The following DAB2IP variants were observed in gnomAD, a reference collection of about 807,000 sequenced individuals.
DAB2IP encodes disabled homolog 2-interacting protein.
DAB2IP carries 28 observed loss-of-function variants against 107.2 expected under a neutral mutation model. That is an observed-to-expected ratio of 0.26 (90% confidence interval 0.19 to 0.36). DAB2IP has a LOEUF of 0.36. Among genes scored for constraint, DAB2IP ranks in the 10% least tolerant of loss-of-function variants. DAB2IP has a pLI of 1.00. For missense variants in DAB2IP, 1,400 were observed against 1,644.7 expected (o/e 0.85, Z 2.57); for synonymous variants, 755 against 706.4 (o/e 1.07, Z -1.09).
intron 3 of DAB2IP, among the ~76,000 whole-genome samples, chr9:121,749,584 G>C (rs1795066014): frequency 6.6e-6 from 1 of 152,208 alleles, no homozygotes; most frequent in South Asian, 2.1e-4. Context: ...AGGCTGGTGG[G>C]CTGGAGACTG....
At position 121,599,797 on chromosome 9, in the gene DAB2IP, G is replaced by A. The variant is rs1830630806; in HGVS notation, c.40+32569G>A. On this transcript the variant is annotated intron_variant, in intron 1 of 16. Coordinates refer to the DAB2IP transcript ENST00000259371. This position sits in a 1 kb window ranked among gnomAD's most constrained non-coding sequence, Gnocchi z 6.9. ...AGCTGGGGGCCGCGGCTCAGGTGGA[G>A]GGGGGCTCGGTGGTTTGCCGGGATC... Among the ~76,000 whole-genome samples, 1 of 151,960 alleles carries A rather than the reference G, an allele frequency of 6.6e-6. No individual in the cohort carries two copies. Among genetic ancestry groups the A allele is most frequent in the Non-Finnish European group, 1.5e-5 (1 of 67,964 alleles).
upstream of DAB2IP, among the ~76,000 whole-genome samples, chr9:121,649,815 C>T (rs1015040522): frequency 6.6e-6 from 1 of 152,182 alleles, no homozygotes; most frequent in Non-Finnish European, 1.5e-5. Context: ...ACTGTGTGTG[C>T]GCTCTGTCCA....
chr9:121,740,634 C>T (rs1832271938), intron 3 of DAB2IP, among the ~76,000 whole-genome samples: 1 of 152,178 alleles, frequency 6.6e-6, no homozygotes, highest in South Asian at 2.1e-4. Flanking sequence ...TTTGCTGGCT[C>T]TGGGGAGGGT....
chr9:121,600,368 C>T (rs1830653003), intron 1 of DAB2IP, among the ~76,000 whole-genome samples: 1 of 152,112 alleles, frequency 6.6e-6, no homozygotes, highest in African/African-American at 2.4e-5. Flanking sequence ...CTGCTCTGGA[C>T]CCCACCTTCC....
chr9:121,725,641 G>T (rs1437981816), intron 3 of DAB2IP, among the ~76,000 whole-genome samples: 1 of 152,238 alleles, frequency 6.6e-6, no homozygotes, highest in Non-Finnish European at 1.5e-5. Context: ...ACAGAGAAGG[G>T]AGTGAGGACT....
At chr9:121,694,619 G>A (rs1829329166) in intron 2 of DAB2IP, among the ~76,000 whole-genome samples, 1 of 152,034 alleles carries the variant, frequency 6.6e-6, no homozygotes, top group Non-Finnish European at 1.5e-5. Context: ...GGGTAGTAGA[G>A]CTGCTTAAGA....
chr9:121,641,848 T>TTTC (rs1832299394), intron 1 of DAB2IP, among the ~76,000 whole-genome samples: 1 of 151,052 alleles, frequency 6.6e-6, no homozygotes, highest in Non-Finnish European at 1.5e-5. Context: ...CTTTCTTTCT[T>TTTC]TTTCTTTCTT....
chr9:121,582,256 C>T (rs1230176554), intron 1 of DAB2IP, among the ~76,000 whole-genome samples: 1 of 152,136 alleles, frequency 6.6e-6, no homozygotes, highest in Non-Finnish European at 1.5e-5. Context: ...CTTTTCCTGA[C>T]TCGTGGTCCT....
chr9:121,656,405 G>T (rs1832974859), intron 1 of DAB2IP, among the ~76,000 whole-genome samples: 1 of 152,314 alleles, frequency 6.6e-6, no homozygotes, highest in African/African-American at 2.4e-5. Context: ...AGGTGGGGGG[G>T]TTTTGTGGTT....
At chr9:121,676,550 C>T (rs1190743958) in intron 1 of DAB2IP, among the ~76,000 whole-genome samples, 1 of 152,150 alleles carries the variant, frequency 6.6e-6, no homozygotes, top group Admixed American at 6.5e-5. Flanking sequence ...TTCCCAGGCA[C>T]CCCCCACGCA....
intron 14 of DAB2IP, among the ~76,000 whole-genome samples, chr9:121,779,723 C>A (rs888941131): frequency 3.3e-5 from 5 of 152,226 alleles, no homozygotes; most frequent in African/African-American, 1.2e-4. Flanking sequence ...GCGATTGTTT[C>A]GTGTTCTCCT....
At chr9:121,780,655 G>C (rs1300725248) in intron 14 of DAB2IP, among the ~76,000 whole-genome samples, 1 of 152,162 alleles carries the variant, frequency 6.6e-6, no homozygotes, top group Non-Finnish European at 1.5e-5. Flanking sequence ...GGCAGACCCA[G>C]AGAGTGTGGG....
chr9:121,593,087 A>G (rs566564087), intron 1 of DAB2IP, among the ~76,000 whole-genome samples: 25 of 152,068 alleles, frequency 1.6e-4, no homozygotes, highest in Non-Finnish European at 2.8e-4. Flanking sequence ...AACGCGCCTG[A>G]ATTTTTTAAA....
Position 121,699,487 on chromosome 9 carries a change from C to G in DAB2IP, c.362+29C>G. On this transcript the variant is annotated intron_variant, in intron 3 of 15. Coordinates refer to ENST00000408936, the Ensembl canonical transcript of DAB2IP. This position sits in a 1 kb window ranked among gnomAD's most constrained non-coding sequence, Gnocchi z 6.2. ...AGCCCGCCGCCGCCGCCCGGTCCCC[C>G]GCGCCGCCGCCCCGGGCTGCGCCCC... 2 of 1,268,416 alleles carry G rather than the reference C, an allele frequency of 1.6e-6. No homozygotes were observed. The highest frequency in any genetic ancestry group is 4.3e-5 in the Admixed American group (1 of 23,104). The allele number at this position is 1,268,416 out of a possible 1,614,324, so 78.6% of individuals were successfully genotyped here.
chr9:121,668,187 C>T (rs927297851), intron 1 of DAB2IP, among the ~76,000 whole-genome samples: 2 of 135,494 alleles, frequency 1.5e-5, no homozygotes, highest in Non-Finnish European at 1.6e-5. Flanking sequence ...ACCATTTGAG[C>T]TGTTGTTGAT....
intron 1 of DAB2IP, among the ~76,000 whole-genome samples, chr9:121,661,105 G>A (rs548689592): frequency 1.2e-4 from 18 of 152,076 alleles, no homozygotes; most frequent in Non-Finnish European, 2.2e-4. Context: ...GGGGATGCCC[G>A]GCAGGCTGTG....
At position 121,599,553 on chromosome 9, in the gene DAB2IP, G is replaced by C. The variant is rs911225327; in HGVS notation, c.40+32325G>C. On this transcript the variant is annotated intron_variant, in intron 1 of 16. Transcript: ENST00000259371. This position sits in a 1 kb window ranked among gnomAD's most constrained non-coding sequence, Gnocchi z 6.9. ...CCGGGAGCCGTAGAGCGGCGGCGCC[G>C]GGGGAGGCGCGGAGCCGGCCGTAGC... Among the ~76,000 whole-genome samples the C allele has an allele frequency of 2.0e-5, 3 of 152,006 alleles. No homozygotes were observed. Among genetic ancestry groups the C allele is most frequent in the South Asian group, 2.1e-4 (1 of 4,826 alleles).
At chr9:121,749,903 C>A (rs1832983054) in intron 3 of DAB2IP, among the ~76,000 whole-genome samples, 1 of 152,148 alleles carries the variant, frequency 6.6e-6, no homozygotes, top group African/African-American at 2.4e-5. Flanking sequence ...GTGACCTATC[C>A]CAGAAATGTC....
chr9:121,617,771 C>T (rs1277158982), intron 1 of DAB2IP, among the ~76,000 whole-genome samples: 1 of 152,218 alleles, frequency 6.6e-6, no homozygotes, highest in Non-Finnish European at 1.5e-5. Context: ...AGGCCTCATA[C>T]CCAGTCTCCT....
Sources: allele counts gnomAD v4.1 joint callset (sites outside exome capture counted in the v4.1 genomes callset), GRCh38; gene constraint gnomAD v4.1.1; non-coding constraint Gnocchi (gnomAD v3.1); transcripts MANE v1.5; gene names NCBI Gene and HGNC (gene_info 2026-07-23, HGNC 2026-07-21).